The following SCUBE3 variants were observed in gnomAD, a reference collection of about 807,000 sequenced individuals.
The protein encoded by SCUBE3 is signal peptide, CUB and EGF-like domain-containing protein 3.
Under a neutral mutation model 116.8 loss-of-function variants are expected in SCUBE3, and 33 were observed. That is an observed-to-expected ratio of 0.28 (90% CI 0.21 to 0.38). SCUBE3 has a LOEUF of 0.38. Among genes scored for constraint, SCUBE3 ranks in the 10% least tolerant of loss-of-function variants. The pLI is 1.00. For missense variants in SCUBE3, 1,007 were observed against 1,324.8 expected, an observed-to-expected ratio of 0.76 and a Z score of 3.72; for synonymous variants, 418 against 496.9, an observed-to-expected ratio of 0.84 and a Z score of 2.11.
chr6:35,235,875 G>A lies in SCUBE3; in HGVS notation c.713-2027G>A, dbSNP rs1017620226. 4.6e-5 allele frequency among the ~76,000 whole-genome samples: 7 copies of A among 151,812 alleles called. No homozygotes were observed. Among genetic ancestry groups the A allele is most frequent in the South Asian group, 2.1e-4 (1 of 4,816 alleles). ...ACTGTGCCACCTGAGATAGGGGTGC[G>A]ATAGGATTAGATGCCATCCCCTCCT... On this transcript the variant is annotated intron_variant, in intron 6 of 21. Transcript: ENST00000274938. The surrounding 1 kb of genome is among the most constrained non-coding windows in gnomAD (Gnocchi z 4.5).
At chr6:35,216,597 T>G (rs1782902690) in intron 1 of SCUBE3, among the ~76,000 whole-genome samples, 1 of 152,178 alleles carries the variant, frequency 6.6e-6, no homozygotes, top group African/African-American at 2.4e-5. Flanking sequence ...GAACTAGTAC[T>G]GACCAGGCGG....
At chr6:35,238,078 CAGAG>C in intron 7 of SCUBE3, 60 bp downstream of exon 7, 1 of 984,282 alleles carries the variant, frequency 1.0e-6, no homozygotes. Context: ...AGGTTGGGAC[CAGAG>C]ATAGGGTGCC....
rs1243155152 is a variant in SCUBE3, at chr6:35,248,821, A to G, written c.*116A>G. 9 of 785,738 alleles carry G rather than the reference A, an allele frequency of 1.1e-5. No individual in the cohort carries two copies. In the Admixed American group the frequency reaches 1.2e-4, roughly 10 times the overall value. 48.7% of individuals were successfully genotyped at this position (785,738 alleles called of 1,614,324 possible). ...CTCCTCTCTTTTTGGAGGGAAAAAA[A>G]AAATATCACTACACAAACCAGGCAC... On this transcript the variant is annotated 3_prime_UTR_variant, in exon 22 of 22. Coordinates refer to ENST00000274938, the MANE Select transcript of SCUBE3 (RefSeq NM_152753.4).
At chr6:35,242,359 C>A in intron 13 of SCUBE3, 39 bp downstream of exon 13, 1 of 1,378,738 alleles carries the variant, frequency 7.3e-7, no homozygotes, top group Non-Finnish European at 1.0e-6. Context: ...GCTGTCTGGC[C>A]ACTAAATCCT....
intron 6 of SCUBE3, among the ~76,000 whole-genome samples, chr6:35,237,001 C>A (rs1312228460): frequency 1.3e-5 from 2 of 152,198 alleles, no homozygotes; most frequent in Non-Finnish European, 2.9e-5. Flanking sequence ...CCCATCGACA[C>A]TCCTCCTACT....
Position 35,214,394 on chromosome 6 carries a change from G to C in SCUBE3, c.-25G>C. On this transcript the variant is annotated 5_prime_UTR_variant, in exon 1 of 22. Coordinates refer to ENST00000274938, the MANE Select transcript of SCUBE3 (RefSeq NM_152753.4). This position sits in a 1 kb window ranked among gnomAD's most constrained non-coding sequence, Gnocchi z 6.3. ...CCCTGGCCGCGAGACCGGCCCCGGC[G>C]GCTGGGCCGCCAGTAGCTCCAGCCA... 7.1e-7 allele frequency: 1 copy of C among 1,410,084 alleles called. No homozygotes were observed. Among genetic ancestry groups the C allele is most frequent in the Non-Finnish European group, 9.3e-7 (1 of 1,077,084 alleles). 87.3% of individuals were successfully genotyped at this position (1,410,084 alleles called of 1,614,324 possible).
At chr6:35,222,172 A>G (rs898617275) in intron 1 of SCUBE3, 10 of 152,112 alleles carry the variant, frequency 6.6e-5, no homozygotes, top group African/African-American at 2.4e-4. Context: ...GGTGGACTCT[A>G]CCTAGGGGGT....
In SCUBE3 at chr6:35,233,269, T is replaced by C; in HGVS notation, c.680T>C (p.Phe227Ser). The C allele has an allele frequency of 1.2e-6, 2 of 1,613,108 alleles. No individual in the cohort carries two copies. Among genetic ancestry groups the C allele is most frequent in the Non-Finnish European group, 1.7e-6 (2 of 1,179,220 alleles). ...CCCCGGTGCGGCTGCCATATCAAGTTTGTGCTCCATACCGACGGGAAGACA... is the reference window on the plus strand; with the variant it reads ...CCCCGGTGCGGCTGCCATATCAAGTCTGTGCTCCATACCGACGGGAAGACA... ...QGPRCGCHIK[F>S]VLHTDGKTCI... Residue 227 changes from phenylalanine to serine, a missense_variant, in exon 6 of 22, where the codon TTT becomes TCT. Phe to Ser is a radical substitution (Grantham distance 155). Transcript: ENST00000274938. This position sits in a 1 kb window ranked among gnomAD's most constrained non-coding sequence, Gnocchi z 5.7.
Position 35,248,738 on chromosome 6 carries a change from C to G in SCUBE3, c.*33C>G, listed in dbSNP as rs984163447. The G allele has an allele frequency of 3.8e-6, 6 of 1,599,030 alleles. No individual in the cohort carries two copies. The highest frequency in any genetic ancestry group is 3.4e-5 in the Admixed American group (2 of 59,642). The stretch of plus-strand genomic sequence containing the variant: ...AGGCTCAGAGACCCAATTTTTTAAG[C>G]CCCCAGACTCCTTAGCCCTCAGAGC... On this transcript the variant is annotated 3_prime_UTR_variant, in exon 22 of 22. Transcript: ENST00000274938.
rs1390503789 is a variant in SCUBE3, at chr6:35,239,675, T to G, written c.830-77T>G. 6 of 1,408,020 alleles carry G rather than the reference T, an allele frequency of 4.3e-6. No individual in the cohort carries two copies. The highest frequency in any genetic ancestry group is 1.8e-4 in the Middle Eastern group (1 of 5,590). 87.2% of individuals were successfully genotyped at this position (1,408,020 alleles called of 1,614,324 possible). A position where few individuals can be genotyped will look rare whatever the true frequency, so the allele number is the denominator to read the frequency against. ...CTTGATTTTTGCATGTCTCTGTCAGTGAGGGAGGGATCTTTCTCCTTGTTT... is the reference window on the plus strand; with the variant it reads ...CTTGATTTTTGCATGTCTCTGTCAGGGAGGGAGGGATCTTTCTCCTTGTTT... On this transcript the variant is annotated intron_variant, in intron 7 of 21. Transcript: ENST00000274938. This position sits in a 1 kb window ranked among gnomAD's most constrained non-coding sequence, Gnocchi z 4.1.
rs751107301 is a variant in SCUBE3 at position 35,241,151 on chromosome 6, A to C, written c.1080A>C (p.Glu360Asp). The C allele has an allele frequency of 1.9e-6, 3 of 1,598,212 alleles. No homozygotes were observed. The Admixed American group carries it at 5.0e-5, about 27-fold the overall frequency. Residue 360 changes from glutamate to aspartate, a missense_variant, in exon 10 of 22, where the codon GAA (glutamate) becomes GAC (aspartate). Physicochemically the swap from Glu to Asp is conservative, Grantham distance 45 (BLOSUM62 2). Around this residue, in one of 5 missense-constraint regions of SCUBE3, gnomAD observed 544 missense variants for 638.9 expected, o/e 0.85. Coordinates refer to ENST00000274938, the MANE Select transcript of SCUBE3 (RefSeq NM_152753.4). This position sits in a 1 kb window ranked among gnomAD's most constrained non-coding sequence, Gnocchi z 4.1. ...YGITHCGDVD[E>D]CSINRGGCRF... ...TACTCCTTCCCCCAGATGTGGATGA[A>C]TGCAGCATCAACCGGGGAGGTTGCC...
At position 35,232,818 on chromosome 6, in the gene SCUBE3, C is replaced by T. The variant is rs1042478373; in HGVS notation, c.470-32C>T. The T allele has an allele frequency of 2.5e-6, 4 of 1,610,684 alleles. 1 individual carries two copies. In the South Asian group the frequency reaches 4.4e-5, roughly 18 times the overall value. On this transcript the variant is annotated intron_variant, in intron 4 of 21. Coordinates refer to ENST00000274938, the MANE Select transcript of SCUBE3 (RefSeq NM_152753.4). This position sits in a 1 kb window ranked among gnomAD's most constrained non-coding sequence, Gnocchi z 4.2. ...TTTCTTTTCTAGACATCCAGGGGTA[C>T]AGAGCATTCACACCCCTTTCTTCTC...
At chr6:35,242,879 C>T (rs891757085) in intron 14 of SCUBE3, 99 bp downstream of exon 14, 1 of 1,521,000 alleles carries the variant, frequency 6.6e-7, no homozygotes, top group Non-Finnish European at 9.1e-7. Flanking sequence ...GGAGCCTGTA[C>T]TAGGGGCAGA....
Position 35,219,913 on chromosome 6 carries a change from C to T in SCUBE3, c.85+5410C>T, listed in dbSNP as rs73407655. Among the ~76,000 whole-genome samples the T allele has an allele frequency of 2.9e-4, 44 of 152,312 alleles. No individual in the cohort carries two copies. Among genetic ancestry groups the T allele is most frequent in the African/African-American group, 1.1e-3 (44 of 41,548 alleles). On this transcript the variant is annotated intron_variant, in intron 1 of 21. Transcript: ENST00000274938. This position sits in a 1 kb window ranked among gnomAD's most constrained non-coding sequence, Gnocchi z 4.7. ...ATAGTGAATCCAAGGGCAGGCAACA[C>T]CTGCCCACTGTTGCATTGCCCACCC...
In SCUBE3 at chr6:35,235,557, G is replaced by A. The variant is rs1425577304; in HGVS notation, c.712+2256G>A. ...TGCTAGGGGAAGGGCTAACCCGCTG[G>A]GGCTCCCACTAACTGCATGCCCACT... On this transcript the variant is annotated intron_variant, in intron 6 of 21. Transcript: ENST00000274938. This position sits in a 1 kb window ranked among gnomAD's most constrained non-coding sequence, Gnocchi z 4.5. The A allele has an allele frequency of 1.1e-6, 1 of 945,734 alleles. No individual in the cohort carries two copies. Among genetic ancestry groups the A allele is most frequent in the Non-Finnish European group, 1.5e-6 (1 of 675,144 alleles). The allele number at this position is 945,734 out of a possible 1,614,324, so 58.6% of individuals were successfully genotyped here.
In SCUBE3 at chr6:35,219,983, A is replaced by AAG; in HGVS notation, c.85+5480_85+5481insAG. 6.6e-6 allele frequency among the ~76,000 whole-genome samples: 1 copy of AAG among 152,138 alleles called. No individual in the cohort carries two copies. Among genetic ancestry groups the AAG allele is most frequent in the South Asian group, 2.1e-4 (1 of 4,822 alleles). On this transcript the variant is annotated intron_variant, in intron 1 of 21. Coordinates refer to ENST00000274938, the MANE Select transcript of SCUBE3 (RefSeq NM_152753.4). This position sits in a 1 kb window ranked among gnomAD's most constrained non-coding sequence, Gnocchi z 4.7. ...TCTGTACCCTCCCTGCCCACTACTC[A>AAG]GCCTTGCTCTCTTCTGCTGCTCCCA...
At position 35,214,643 on chromosome 6, in the gene SCUBE3, G is replaced by A; in HGVS notation, c.85+140G>A. 2.1e-6 allele frequency: 1 copy of A among 484,412 alleles called. No homozygotes were observed. Among genetic ancestry groups the A allele is most frequent in the Non-Finnish European group, 3.3e-6 (1 of 300,800 alleles). The allele number at this position is 484,412 out of a possible 1,614,324, so 30.0% of individuals were successfully genotyped here. ...CGGCTCTGTGCACCCGGACTCCCCG[G>A]CCAGGGGCCCGACCGCTGGGCGCTG... On this transcript the variant is annotated intron_variant, in intron 1 of 21. Transcript: ENST00000274938. This position sits in a 1 kb window ranked among gnomAD's most constrained non-coding sequence, Gnocchi z 6.3.
At chr6:35,246,718 G>GTGGTGGT (rs1385375850) in intron 21 of SCUBE3, among the ~76,000 whole-genome samples, 13 of 152,268 alleles carry the variant, frequency 8.5e-5, no homozygotes, top group African/African-American at 3.1e-4. Flanking sequence ...GTTCACGCCT[G>GTGGTGGT]TCATCCCAGC....
intron 1 of SCUBE3, among the ~76,000 whole-genome samples, chr6:35,224,898 G>A (rs1783265962): frequency 1.3e-5 from 2 of 152,192 alleles, no homozygotes; most frequent in South Asian, 4.1e-4. Flanking sequence ...CCCCAGAGCA[G>A]TGCTATCCTG....
Sources: allele counts gnomAD v4.1 joint callset (sites outside exome capture counted in the v4.1 genomes callset), GRCh38; gene constraint gnomAD v4.1.1; regional missense constraint gnomAD v4.1.1; non-coding constraint Gnocchi (gnomAD v3.1); transcripts MANE v1.5; gene names NCBI Gene and HGNC (gene_info 2026-07-23, HGNC 2026-07-21).